The following EEFSEC variants were observed in gnomAD, a reference collection of about 807,000 sequenced individuals.
EEFSEC encodes selenocysteine-specific elongation factor.
Under a neutral mutation model 42.1 loss-of-function variants are expected in EEFSEC, and 43 were observed. That is an observed-to-expected ratio of 1.02 (90% CI 0.80 to 1.32). The LOEUF is 1.32. EEFSEC is among the 40% of genes most tolerant of loss of function. The probability of loss-of-function intolerance (pLI) is 0.00; values close to 1 mark genes in which losing one functional copy is unlikely to be tolerated. For missense variants in EEFSEC, 745 were observed against 803.6 expected, an observed-to-expected ratio of 0.93 and a Z score of 0.88; for synonymous variants, 354 against 339.1, an observed-to-expected ratio of 1.04 and a Z score of -0.48.
At chr3:128,390,389 A>G (rs1394376866) in intron 6 of EEFSEC, among the ~76,000 whole-genome samples, 3 of 152,192 alleles carry the variant, frequency 2.0e-5, no homozygotes, top group Admixed American at 2.0e-4. Flanking sequence ...GCATGTGGGG[A>G]AGGGACCTTT....
At chr3:128,206,472 G>C (rs1383901956) in intron 1 of EEFSEC, among the ~76,000 whole-genome samples, 1 of 152,172 alleles carries the variant, frequency 6.6e-6, no homozygotes, top group Non-Finnish European at 1.5e-5. Context: ...CTTGGAGCAA[G>C]CCAGTCACTT....
intron 1 of EEFSEC, among the ~76,000 whole-genome samples, chr3:128,184,404 T>C (rs576846504): frequency 6.6e-6 from 1 of 152,354 alleles, no homozygotes; most frequent in East Asian, 1.9e-4. Flanking sequence ...CTTGGACTAC[T>C]AAGTGGAATC....
intron 1 of EEFSEC, among the ~76,000 whole-genome samples, chr3:128,242,694 A>G (rs924451693): frequency 3.3e-5 from 5 of 152,228 alleles, no homozygotes; most frequent in African/African-American, 9.6e-5. Context: ...TGATTAAGAT[A>G]TATAATTTAC....
At chr3:128,366,287 TG>T (rs2067589286) in intron 6 of EEFSEC, among the ~76,000 whole-genome samples, 2 of 152,236 alleles carry the variant, frequency 1.3e-5, no homozygotes, top group South Asian at 4.1e-4. Flanking sequence ...GGAATTGGCC[TG>T]GGTGACTTGT....
At chr3:128,278,591 G>A in intron 4 of EEFSEC, among the ~76,000 whole-genome samples, 1 of 152,364 alleles carries the variant, frequency 6.6e-6, no homozygotes, top group Middle Eastern at 3.4e-3. Flanking sequence ...TGTGCTGTTG[G>A]TGGCTCCAAC....
At chr3:128,240,546 G>C (rs1468271945) in intron 1 of EEFSEC, among the ~76,000 whole-genome samples, 1 of 152,186 alleles carries the variant, frequency 6.6e-6, no homozygotes, top group African/African-American at 2.4e-5. Flanking sequence ...GTGCTGAGGA[G>C]GACAGGCTGG....
chr3:128,250,863 A>T (rs1244848254), intron 2 of EEFSEC, among the ~76,000 whole-genome samples: 1 of 148,470 alleles, frequency 6.7e-6, no homozygotes, highest in Non-Finnish European at 1.5e-5. Flanking sequence ...CTTCTAATCC[A>T]TGAACCATAG....
the EEFSEC span, among the ~76,000 whole-genome samples, chr3:128,419,346 G>A: frequency 3.3e-5 from 5 of 152,214 alleles, no homozygotes; most frequent in Admixed American, 1.3e-4. Flanking sequence ...AATAGGTAAA[G>A]GAAGGAAGTC....
the EEFSEC span, among the ~76,000 whole-genome samples, chr3:128,421,688 G>A: frequency 6.6e-6 from 1 of 152,176 alleles, no homozygotes; most frequent in South Asian, 2.1e-4. Flanking sequence ...GGGTGGGGGG[G>A]CGCATTCCTC....
At chr3:128,394,158 C>A (rs1033377873) in intron 6 of EEFSEC, among the ~76,000 whole-genome samples, 1 of 152,238 alleles carries the variant, frequency 6.6e-6, no homozygotes, top group East Asian at 1.9e-4. Context: ...CAGGCCCCAG[C>A]CCCTGTACCC....
chr3:128,349,662 C>A (rs1164107818), intron 5 of EEFSEC, among the ~76,000 whole-genome samples: 1 of 152,230 alleles, frequency 6.6e-6, no homozygotes, highest in African/African-American at 2.4e-5. Flanking sequence ...TTGCCCCTGG[C>A]AGCATGCATA....
intron 1 of EEFSEC, among the ~76,000 whole-genome samples, chr3:128,189,513 A>G (rs1048389752): frequency 1.3e-5 from 2 of 151,326 alleles, no homozygotes; most frequent in Admixed American, 6.6e-5. Flanking sequence ...TCTTTACTAT[A>G]CTAGACTTGT....
chr3:128,407,650 C>T (rs1053184974), intron 6 of EEFSEC, among the ~76,000 whole-genome samples: 1 of 152,184 alleles, frequency 6.6e-6, no homozygotes, highest in Non-Finnish European at 1.5e-5. Context: ...TAAACCTGGT[C>T]GTGCTGTCTG....
At chr3:128,243,373 G>A (rs952618794) in intron 1 of EEFSEC, among the ~76,000 whole-genome samples, 2 of 152,232 alleles carry the variant, frequency 1.3e-5, no homozygotes, top group African/African-American at 4.8e-5. Context: ...GGCGTGAGAA[G>A]CAAGAGGGCC....
intron 1 of EEFSEC, among the ~76,000 whole-genome samples, chr3:128,185,428 T>G (rs1412767812): frequency 6.6e-6 from 1 of 152,138 alleles, no homozygotes; most frequent in Non-Finnish European, 1.5e-5. Context: ...ATATCATATT[T>G]TTTTAGAAAC....
intron 2 of EEFSEC, 60 bp from the exon 3 acceptor site, chr3:128,262,068 G>A (rs1043777631): frequency 1.1e-4 from 162 of 1,519,004 alleles, no homozygotes; most frequent in African/African-American, 1.9e-4. Flanking sequence ...CTTCATGGAC[G>A]TGCTTTGTGT....
At chr3:128,418,235 G>T in the EEFSEC span, among the ~76,000 whole-genome samples, 10 of 151,776 alleles carry the variant, frequency 6.6e-5, no homozygotes, top group African/African-American at 2.4e-4. Context: ...CCCAGCTCAC[G>T]GCCCCTCGGT....
chr3:128,190,162 C>T (rs144125804), intron 1 of EEFSEC, among the ~76,000 whole-genome samples: 238 of 152,332 alleles, frequency 1.6e-3, no homozygotes, highest in African/African-American at 5.1e-3. Flanking sequence ...CATGCCCAGC[C>T]GCTCCTTCTA....
intron 1 of EEFSEC, among the ~76,000 whole-genome samples, chr3:128,188,001 T>C (rs1282770409): frequency 6.6e-6 from 1 of 152,234 alleles, no homozygotes; most frequent in Non-Finnish European, 1.5e-5. Flanking sequence ...AAGCAGATTA[T>C]GAAGGGCTTT....
Sources: gnomAD v4.1 joint callset for allele counts (sites outside exome capture counted in the v4.1 genomes callset) on GRCh38, gnomAD v4.1.1 for gene constraint, MANE v1.5 for transcripts, NCBI Gene and HGNC (gene_info 2026-07-23, HGNC 2026-07-21) for gene names.